The following OXR1 variants were observed in gnomAD, a reference collection of about 807,000 sequenced individuals.
The protein encoded by OXR1 is oxidation resistance 1.
A neutral mutation model predicts 104.6 loss-of-function variants in OXR1; 41 were observed. The observed-to-expected ratio is 0.39, with a 90% confidence interval of 0.31 to 0.51. The LOEUF is 0.51. Among genes scored for constraint, OXR1 ranks in the 20% least tolerant of loss-of-function variants. OXR1 has a pLI of 0.77. For missense variants in OXR1, 955 were observed against 1,031.9 expected (o/e 0.93, Z 1.02); for synonymous variants, 348 against 348.4 (o/e 1.00, Z 0.01).
Position 106,494,933 on chromosome 8 carries a change from T to C in OXR1, c.24-24010T>C, listed in dbSNP as rs954027270. Among the ~76,000 whole-genome samples, 4 of 152,186 alleles carry C rather than the reference T, an allele frequency of 2.6e-5. No homozygotes were observed. In the East Asian group the frequency reaches 7.7e-4, roughly 29 times the overall value. On this transcript the variant is annotated intron_variant, in intron 2 of 16. Coordinates refer to ENST00000517566, the MANE Select transcript of OXR1 (RefSeq NM_001198533.2). ...ACATCCCCCAGTAGAATTTAAGTTA[T>C]ATGAGAGCACAGACGTTTCTACCTT...
intron 1 of OXR1, among the ~76,000 whole-genome samples, chr8:106,346,808 G>A (rs1406354986): frequency 6.6e-6 from 1 of 152,142 alleles, no homozygotes; most frequent in Non-Finnish European, 1.5e-5. Flanking sequence ...GGGAGGCCAA[G>A]GCGGGCGGAT....
chr8:106,322,458 A>G (rs2345581), intron 1 of OXR1, among the ~76,000 whole-genome samples: 51,653 of 152,054 alleles, frequency 0.34, 11,309 homozygotes, highest in African/African-American at 0.63. Context: ...ATAGGCAAAA[A>G]CTGGTAATAT....
At chr8:106,447,840 G>C (rs1160904816) in intron 2 of OXR1, 1 of 1,382,860 alleles carries the variant, frequency 7.2e-7, no homozygotes, top group East Asian at 2.5e-5. Context: ...GTGGGATTTG[G>C]GTCTCTTTTT....
chr8:106,626,029 G>A (rs1476337785), intron 3 of OXR1, among the ~76,000 whole-genome samples: 1 of 135,716 alleles, frequency 7.4e-6, no homozygotes, highest in Non-Finnish European at 1.5e-5. Flanking sequence ...GTACTATTGT[G>A]CTCTGTTCTG....
intron 2 of OXR1, among the ~76,000 whole-genome samples, chr8:106,469,320 C>T (rs746026121): frequency 6.6e-6 from 1 of 151,774 alleles, no homozygotes; most frequent in African/African-American, 2.4e-5. Flanking sequence ...GGTTACATAT[C>T]TTCTCTGAAT....
intron 2 of OXR1, among the ~76,000 whole-genome samples, chr8:106,427,497 C>T (rs921113407): frequency 6.6e-6 from 1 of 152,142 alleles, no homozygotes; most frequent in Non-Finnish European, 1.5e-5. Flanking sequence ...CTCCAAAGGG[C>T]TGAGAACCAC....
intron 6 of OXR1, among the ~76,000 whole-genome samples, chr8:106,692,132 C>CT (rs1829368417): frequency 6.6e-6 from 1 of 151,906 alleles, no homozygotes; most frequent in South Asian, 2.1e-4. Flanking sequence ...CCAAAACATT[C>CT]TGAGAAGCTG....
chr8:106,617,138 T>C (rs927929816), intron 3 of OXR1, among the ~76,000 whole-genome samples: 23 of 152,080 alleles, frequency 1.5e-4, no homozygotes, highest in Non-Finnish European at 3.2e-4. Context: ...GGAATGTGGA[T>C]TAAAAGGGGG....
intron 2 of OXR1, among the ~76,000 whole-genome samples, chr8:106,435,893 A>T (rs1170417776): frequency 6.6e-6 from 1 of 152,172 alleles, no homozygotes; most frequent in Non-Finnish European, 1.5e-5. Flanking sequence ...GGTCATACAA[A>T]TATGACCAAA....
At chr8:106,564,460 A>G (rs1816927051) in intron 3 of OXR1, among the ~76,000 whole-genome samples, 1 of 152,086 alleles carries the variant, frequency 6.6e-6, no homozygotes, top group Non-Finnish European at 1.5e-5. Context: ...GAATAGACCA[A>G]TAACAAGTTC....
chr8:106,531,818 C>A (rs1814116539), intron 3 of OXR1, among the ~76,000 whole-genome samples: 1 of 152,146 alleles, frequency 6.6e-6, no homozygotes, highest in South Asian at 2.1e-4. Flanking sequence ...ATAATTCTCT[C>A]AAGTTGCAGA....
At chr8:106,325,640 A>C (rs999088671) in intron 1 of OXR1, among the ~76,000 whole-genome samples, 1 of 152,198 alleles carries the variant, frequency 6.6e-6, no homozygotes, top group Non-Finnish European at 1.5e-5. Flanking sequence ...TCTTGTTTTT[A>C]GTACAAGTCA....
At chr8:106,673,377 C>T (rs535620459) in intron 3 of OXR1, among the ~76,000 whole-genome samples, 5 of 152,112 alleles carry the variant, frequency 3.3e-5, no homozygotes, top group Non-Finnish European at 7.4e-5. Flanking sequence ...AATTTCTAAG[C>T]AGCAAAGTGT....
chr8:106,290,534 T>C (rs911842338), intron 1 of OXR1, among the ~76,000 whole-genome samples: 4 of 152,074 alleles, frequency 2.6e-5, no homozygotes, highest in Non-Finnish European at 4.4e-5. Flanking sequence ...GAGAAAATAT[T>C]CACAAACTAA....
At chr8:106,475,400 T>C (rs942924009) in intron 2 of OXR1, among the ~76,000 whole-genome samples, 1 of 151,900 alleles carries the variant, frequency 6.6e-6, no homozygotes, top group African/African-American at 2.4e-5. Context: ...TGTCTTCACA[T>C]TGAGTAGGCT....
intron 1 of OXR1, among the ~76,000 whole-genome samples, chr8:106,282,065 T>C (rs1812313535): frequency 2.0e-5 from 3 of 152,204 alleles, no homozygotes; most frequent in Non-Finnish European, 4.4e-5. Context: ...AAGTTAATCA[T>C]AGTCTCCAAG....
intron 1 of OXR1, among the ~76,000 whole-genome samples, chr8:106,271,058 G>T (rs943017877): frequency 6.6e-6 from 1 of 152,240 alleles, no homozygotes; most frequent in Non-Finnish European, 1.5e-5. Context: ...TGGCCTGGAG[G>T]GCCGACTGGA....
rs1563773455 is a variant in OXR1, at chr8:106,750,320, T to TTTC, written c.2487-484_2487-483insCTT. 5.6e-4 allele frequency among the ~76,000 whole-genome samples: 21 copies of TTTC among 37,376 alleles called. 2 individuals carry two copies. The highest frequency in any genetic ancestry group is 6.8e-4 in the Non-Finnish European group (9 of 13,222). The allele number at this position is 37,376 out of a possible 152,430, so 24.5% of individuals were successfully genotyped here. On this transcript the variant is annotated intron_variant, in intron 16 of 16. Transcript: ENST00000517566. ...TAAATAATTTTTTTCTTTTCTTTTCTTTTCTTTTTTTTTTTTTTTTTTGAG... is the reference window on the plus strand; with the variant it reads ...TAAATAATTTTTTTCTTTTCTTTTCTTTCTTTCTTTTTTTTTTTTTTTTTTGAG...
At chr8:106,555,884 A>G (rs949343242) in intron 3 of OXR1, among the ~76,000 whole-genome samples, 13 of 148,810 alleles carry the variant, frequency 8.7e-5, no homozygotes, top group Admixed American at 1.4e-4. Flanking sequence ...GTATATATAT[A>G]TGTGTGTGTC....
Sources: gnomAD v4.1 joint callset for allele counts (sites outside exome capture counted in the v4.1 genomes callset) on GRCh38, gnomAD v4.1.1 for gene constraint, MANE v1.5 for transcripts, NCBI Gene and HGNC (gene_info 2026-07-23, HGNC 2026-07-21) for gene names.